Variants in SRPK2 observed in about 807,000 individuals in gnomAD.
SRPK2 encodes SFRS protein kinase 2.
Under a neutral mutation model 90.8 loss-of-function variants are expected in SRPK2, and 21 were observed. That is an observed-to-expected ratio of 0.23 (90% CI 0.16 to 0.33). The LOEUF (loss-of-function observed/expected upper bound fraction) is 0.33. SRPK2 is among the 10% of genes least tolerant of loss of function. The pLI, the probability that SRPK2 is intolerant of heterozygous loss-of-function variation, is 1.00. For synonymous variants in SRPK2, 288 were observed against 311.1 expected (o/e 0.93, Z 0.78); for missense variants, 620 against 869.0 (o/e 0.71, Z 3.60).
intron 2 of SRPK2, among the ~76,000 whole-genome samples, chr7:105,262,031 A>G (rs377195263): frequency 6.6e-6 from 1 of 152,194 alleles, no homozygotes; most frequent in Non-Finnish European, 1.5e-5. Flanking sequence ...ACTCCCAAGC[A>G]CAAGGGGAAG....
At chr7:105,259,109 A>T (rs561878734) in intron 2 of SRPK2, among the ~76,000 whole-genome samples, 2 of 152,230 alleles carry the variant, frequency 1.3e-5, no homozygotes, top group Non-Finnish European at 2.9e-5. Flanking sequence ...CTCTGTTTGC[A>T]GATGACATGA....
At chr7:105,308,059 A>G (rs1408896031) in intron 2 of SRPK2, among the ~76,000 whole-genome samples, 1 of 152,206 alleles carries the variant, frequency 6.6e-6, no homozygotes, top group East Asian at 1.9e-4. Flanking sequence ...TGATAGCTTT[A>G]CTACTATAGT....
chr7:105,280,667 G>GGC (rs1205182565), intron 2 of SRPK2, among the ~76,000 whole-genome samples: 1 of 141,418 alleles, frequency 7.1e-6, no homozygotes, highest in African/African-American at 2.8e-5. Context: ...GGGGGGGGGG[G>GGC]CCGGGCACAG....
In SRPK2 at chr7:105,250,417, A is replaced by C. The variant is rs58715149; in HGVS notation, c.72-46632T>G. 5.1e-3 allele frequency among the ~76,000 whole-genome samples: 776 copies of C among 151,898 alleles called. 12 individuals are homozygous for C. The East Asian group carries it at 0.055, about 11-fold the overall frequency. On this transcript the variant is annotated intron_variant, in intron 2 of 15. Transcript: ENST00000393651. Reference sequence around the variant, plus strand: ...ATGCAAACAATGCAAGAAAAAAAAAACAAAAACCTGATGTGTTGCATCACT... The same window carrying C: ...ATGCAAACAATGCAAGAAAAAAAAACCAAAAACCTGATGTGTTGCATCACT...
In SRPK2 at chr7:105,313,685, A is replaced by C. The variant is rs187080338; in HGVS notation, c.71+74963T>G. Among the ~76,000 whole-genome samples the C allele has an allele frequency of 5.0e-3, 766 of 152,228 alleles. 6 individuals are homozygous for C. Among genetic ancestry groups the C allele is most frequent in the Non-Finnish European group, 8.7e-3 (591 of 68,010 alleles). On this transcript the variant is annotated intron_variant, in intron 2 of 15. Transcript: ENST00000393651. ...AGAATCCCTTGAACCAGGGAGGCGG[A>C]GGTTGCAGTCAGCAAAGATTGCACC... is the stretch of plus-strand genomic sequence containing the variant.
chr7:105,159,464 A>AAAAAAAAAAAAAAAAAAAAAAAAAC (rs1807168874), intron 7 of SRPK2, among the ~76,000 whole-genome samples: 4 of 141,598 alleles, frequency 2.8e-5, no homozygotes, highest in African/African-American at 8.8e-5. Context: ...AAAAAAAAAA[A>AAAAAAAAAAAAAAAAAAAAAAAAAC]AAAAAAAAAC....
intron 2 of SRPK2, among the ~76,000 whole-genome samples, chr7:105,361,977 G>A (rs965854634): frequency 2.6e-5 from 4 of 151,864 alleles, no homozygotes; most frequent in Admixed American, 2.0e-4. Flanking sequence ...TTGAAAAACA[G>A]GATCTAATTA....
intron 15 of SRPK2, among the ~76,000 whole-genome samples, chr7:105,121,739 C>T (rs1234076976): frequency 6.6e-6 from 1 of 152,230 alleles, no homozygotes; most frequent in African/African-American, 2.4e-5. Flanking sequence ...AGCAACTGTA[C>T]TGGCCAGTCC....
At chr7:105,359,953 G>C (rs1378338661) in intron 2 of SRPK2, among the ~76,000 whole-genome samples, 1 of 152,106 alleles carries the variant, frequency 6.6e-6, no homozygotes, top group East Asian at 1.9e-4. Context: ...CTGTCTCGTT[G>C]ATCTGTCTAA....
chr7:105,168,745 ATGTGTGTGTGTGTG>A (rs58073613), intron 4 of SRPK2, among the ~76,000 whole-genome samples: 15 of 104,008 alleles, frequency 1.4e-4, no homozygotes, highest in Non-Finnish European at 1.9e-4. Flanking sequence ...CACGCACCAA[ATGTGTGTGTGTGTG>A]TGTGTGTGTG....
At chr7:105,148,298 A>G (rs2129577960) in intron 7 of SRPK2, among the ~76,000 whole-genome samples, 1 of 152,362 alleles carries the variant, frequency 6.6e-6, no homozygotes, top group East Asian at 1.9e-4. Flanking sequence ...TGATTTAAAT[A>G]GAAAATAGCC....
At chr7:105,144,699 TCAACTC>T (rs1340666948) in intron 9 of SRPK2, among the ~76,000 whole-genome samples, 2 of 152,132 alleles carry the variant, frequency 1.3e-5, no homozygotes, top group Non-Finnish European at 2.9e-5. Context: ...TAAAAATACT[TCAACTC>T]CATCACCTCA....
intron 2 of SRPK2, among the ~76,000 whole-genome samples, chr7:105,361,370 A>G (rs1818403856): frequency 1.3e-5 from 2 of 152,236 alleles, no homozygotes; most frequent in Admixed American, 1.3e-4. Context: ...GGATAGGAAG[A>G]ATCAATATCG....
intron 2 of SRPK2, among the ~76,000 whole-genome samples, chr7:105,315,415 G>C (rs1187987773): frequency 6.6e-6 from 1 of 152,194 alleles, no homozygotes; most frequent in Non-Finnish European, 1.5e-5. Flanking sequence ...ATCAGAAGCT[G>C]AACTAGATAA....
In SRPK2 at chr7:105,116,418, G is replaced by A. The variant is rs1192865679; in HGVS notation, c.*1420C>T. 1.3e-5 allele frequency: 2 copies of A among 152,166 alleles called. No homozygotes were observed. The highest frequency in any genetic ancestry group is 2.9e-5 in the Non-Finnish European group (2 of 67,952). 9.4% of individuals were successfully genotyped at this position (152,166 alleles called of 1,614,324 possible). A position where few individuals can be genotyped will look rare whatever the true frequency, so the allele number is the denominator to read the frequency against. ...AAACACTTTAATTTTTAAGACAACTGCAAGCACCTCAAACAATGGATTATT... is the reference window on the plus strand; with the variant it reads ...AAACACTTTAATTTTTAAGACAACTACAAGCACCTCAAACAATGGATTATT... On this transcript the variant is annotated 3_prime_UTR_variant, in exon 16 of 16. Transcript: ENST00000393651.
intron 3 of SRPK2, among the ~76,000 whole-genome samples, chr7:105,202,959 T>C (rs530169449): frequency 6.6e-6 from 1 of 152,316 alleles, no homozygotes; most frequent in Admixed American, 6.5e-5. Context: ...CTTTCTCCTC[T>C]CTATGTTCTT....
At chr7:105,287,041 C>T (rs1175615628) in intron 2 of SRPK2, among the ~76,000 whole-genome samples, 1 of 151,654 alleles carries the variant, frequency 6.6e-6, no homozygotes, top group Non-Finnish European at 1.5e-5. Flanking sequence ...GCGGGCGGAT[C>T]ACGAGGTCAG....
In SRPK2 at chr7:105,336,650, A is replaced by G. The variant is rs543967160; in HGVS notation, c.71+51998T>C. Among the ~76,000 whole-genome samples, 17 of 152,324 alleles carry G rather than the reference A, an allele frequency of 1.1e-4. No individual in the cohort carries two copies. The South Asian group carries it at 2.9e-3, about 26-fold the overall frequency. On this transcript the variant is annotated intron_variant, in intron 2 of 15. Transcript: ENST00000393651. Reference sequence around the variant, plus strand: ...TCCTTTTTCATACTACACATTGAGGAAAGAGTCTGTTGTCTTACTGAACTA... The same window carrying G: ...TCCTTTTTCATACTACACATTGAGGGAAGAGTCTGTTGTCTTACTGAACTA...
chr7:105,217,028 T>C (rs776998985), intron 2 of SRPK2, among the ~76,000 whole-genome samples: 24 of 152,222 alleles, frequency 1.6e-4, no homozygotes, highest in Non-Finnish European at 3.1e-4. Context: ...AAACTGTTTA[T>C]TCAGGGTTCC....
Sources: gnomAD v4.1 joint callset for allele counts (sites outside exome capture counted in the v4.1 genomes callset) on GRCh38, gnomAD v4.1.1 for gene constraint, MANE v1.5 for transcripts, NCBI Gene and HGNC (gene_info 2026-07-23, HGNC 2026-07-21) for gene names.